The following SORCS1 variants were observed in gnomAD, a reference collection of about 807,000 sequenced individuals.
SORCS1 encodes the protein sortilin related VPS10 domain containing receptor 1.
In SORCS1, 60 loss-of-function variants were observed where a neutral mutation model predicts 146.1. That is an observed-to-expected ratio of 0.41 (90% CI 0.33 to 0.51). SORCS1 has a LOEUF of 0.51. Among genes scored for constraint, SORCS1 ranks in the 20% least tolerant of loss-of-function variants. The pLI, the probability that SORCS1 is intolerant of heterozygous loss-of-function variation, is 0.21. For missense variants in SORCS1, 1,352 were observed against 1,487.6 expected (o/e 0.91, Z 1.50); for synonymous variants, 637 against 584.0 (o/e 1.09, Z -1.31).
intron 1 of SORCS1, among the ~76,000 whole-genome samples, chr10:107,109,118 A>C (rs1157998763): frequency 6.6e-6 from 1 of 152,152 alleles, no homozygotes; most frequent in Non-Finnish European, 1.5e-5. Context: ...AGACTTTTCC[A>C]GGGGCATGGT....
intron 19 of SORCS1, among the ~76,000 whole-genome samples, chr10:106,626,343 T>C (rs1848111569): frequency 1.3e-5 from 2 of 152,154 alleles, no homozygotes; most frequent in African/African-American, 4.8e-5. Context: ...GGGAACGAGA[T>C]GTGCATCTAC....
intron 1 of SORCS1, among the ~76,000 whole-genome samples, chr10:107,133,892 T>C (rs1461045727): frequency 1.3e-5 from 2 of 152,200 alleles, no homozygotes; most frequent in Admixed American, 1.3e-4. Flanking sequence ...CAAACATAAA[T>C]AGCTTACTCA....
chr10:107,008,705 G>A lies in SORCS1; in HGVS notation c.559-52125C>T, dbSNP rs182569639. Among the ~76,000 whole-genome samples, 268 of 152,258 alleles carry A rather than the reference G, an allele frequency of 1.8e-3. 2 individuals are homozygous for A. Among genetic ancestry groups the A allele is most frequent in the African/African-American group, 6.3e-3 (260 of 41,544 alleles). ...CAGAATTCAACAGCACTCAAAAATG[G>A]TTATTATATGGGCCGGGTGCGGTGG... On this transcript the variant is annotated intron_variant, in intron 1 of 25. Transcript: ENST00000263054.
At chr10:107,021,720 A>C (rs1958155327) in intron 1 of SORCS1, among the ~76,000 whole-genome samples, 1 of 151,972 alleles carries the variant, frequency 6.6e-6, no homozygotes, top group Non-Finnish European at 1.5e-5. Flanking sequence ...GCAATTGATA[A>C]AGTATCTTCC....
intron 1 of SORCS1, among the ~76,000 whole-genome samples, chr10:107,038,429 T>C (rs1024795433): frequency 1.7e-4 from 26 of 151,108 alleles, no homozygotes; most frequent in Admixed American, 1.4e-3. Flanking sequence ...TTAGGAGATA[T>C]ACCTAATGCT....
chr10:106,856,441 A>G (rs1330930348), intron 2 of SORCS1, among the ~76,000 whole-genome samples: 1 of 152,178 alleles, frequency 6.6e-6, no homozygotes, highest in African/African-American at 2.4e-5. Context: ...CTTAGGTGGA[A>G]CATAATAGCT....
At chr10:106,952,022 C>T (rs186558581) in intron 2 of SORCS1, among the ~76,000 whole-genome samples, 29 of 152,278 alleles carry the variant, frequency 1.9e-4, no homozygotes, top group Middle Eastern at 3.4e-3. Context: ...AAGTAAAACT[C>T]ACTAGCTCAT....
chr10:106,867,429 C>A (rs1459894220), intron 2 of SORCS1, among the ~76,000 whole-genome samples: 1 of 152,028 alleles, frequency 6.6e-6, no homozygotes, highest in Non-Finnish European at 1.5e-5. Context: ...GGATTACAGG[C>A]ACCCACCACC....
intron 1 of SORCS1, among the ~76,000 whole-genome samples, chr10:107,098,358 T>C (rs909439000): frequency 9.9e-5 from 15 of 152,220 alleles, no homozygotes; most frequent in African/African-American, 3.6e-4. Flanking sequence ...AACTATTGTT[T>C]CTGGGAGCTG....
intron 1 of SORCS1, among the ~76,000 whole-genome samples, chr10:107,087,789 T>C (rs1176629917): frequency 6.6e-6 from 1 of 152,236 alleles, no homozygotes. Flanking sequence ...GGAAAATAAA[T>C]ATCGGCTTAG....
At chr10:106,925,210 A>G (rs760675331) in intron 2 of SORCS1, among the ~76,000 whole-genome samples, 3 of 151,632 alleles carry the variant, frequency 2.0e-5, no homozygotes, top group Non-Finnish European at 4.4e-5. Context: ...TTTTTTGTAC[A>G]GCAGAAAGGC....
chr10:107,140,223 T>C (rs1272535992), intron 1 of SORCS1, among the ~76,000 whole-genome samples: 3 of 152,256 alleles, frequency 2.0e-5, no homozygotes. Context: ...CACCAAACTT[T>C]CCTTGCAGAA....
At chr10:106,773,739 G>A (rs1860206701) in intron 4 of SORCS1, among the ~76,000 whole-genome samples, 1 of 152,062 alleles carries the variant, frequency 6.6e-6, no homozygotes, top group Admixed American at 6.6e-5. Context: ...CACAAGGTCA[G>A]GAGTTTGAGA....
At chr10:106,713,200 A>G (rs140183030) in intron 6 of SORCS1, among the ~76,000 whole-genome samples, 1 of 152,346 alleles carries the variant, frequency 6.6e-6, no homozygotes, top group Non-Finnish European at 1.5e-5. Flanking sequence ...CCATTTCCTA[A>G]TGACATCATT....
chr10:106,724,710 T>A (rs1262884911), intron 6 of SORCS1, among the ~76,000 whole-genome samples: 1 of 152,194 alleles, frequency 6.6e-6, no homozygotes, highest in Admixed American at 6.5e-5. Flanking sequence ...CAAACCCAGA[T>A]AAGAATTCAC....
intron 22 of SORCS1, among the ~76,000 whole-genome samples, chr10:106,607,580 AGGACAGTT>A (rs1331207804): frequency 1.3e-5 from 2 of 152,240 alleles, no homozygotes; most frequent in Non-Finnish European, 2.9e-5. Flanking sequence ...AATAGAAGAC[AGGACAGTT>A]GCAGTACTTG....
intron 2 of SORCS1, among the ~76,000 whole-genome samples, chr10:106,955,916 T>C (rs1954916529): frequency 6.6e-6 from 1 of 151,362 alleles, no homozygotes; most frequent in African/African-American, 2.4e-5. Flanking sequence ...TCACCTGAGG[T>C]TGGAAGTTCA....
the SORCS1 span, among the ~76,000 whole-genome samples, chr10:107,176,787 C>G: frequency 6.6e-6 from 1 of 152,064 alleles, no homozygotes; most frequent in East Asian, 1.9e-4. Flanking sequence ...TCCAAGCACA[C>G]TTGAATTAAT....
chr10:106,706,590 C>T lies in SORCS1; in HGVS notation c.1188G>A (p.Arg396=), dbSNP rs909664812. 6.2e-7 allele frequency: 1 copy of T among 1,614,132 alleles called. No homozygotes were observed. Among genetic ancestry groups the T allele is most frequent in the Non-Finnish European group, 8.5e-7 (1 of 1,180,008 alleles). ...GRPHYYVSYR[R]NAFAQMKLPK... ...GAAGCTTCATTTGGGCAAATGCATT[C>T]CTTCGGTAGGACACGTAGTAATGTG... Residue 396 remains arginine, a synonymous_variant, in exon 8 of 26, where the codon AGG becomes AGA. Coordinates refer to ENST00000263054, the MANE Select transcript of SORCS1 (RefSeq NM_052918.5).
Sources: gnomAD v4.1 joint callset for allele counts (sites outside exome capture counted in the v4.1 genomes callset) on GRCh38, gnomAD v4.1.1 for gene constraint, MANE v1.5 for transcripts, NCBI Gene and HGNC (gene_info 2026-07-23, HGNC 2026-07-21) for gene names.